SHE: variants seen among roughly 807,000 people sequenced by gnomAD.
SHE encodes Src homology 2 domain containing E, also known as SH2 domain-containing adapter protein E.
Under a neutral mutation model 49.8 loss-of-function variants are expected in SHE, and 11 were observed. That is an observed-to-expected ratio of 0.22 (90% CI 0.14 to 0.37). The LOEUF (loss-of-function observed/expected upper bound fraction) is 0.37, where lower values mean the gene tolerates loss of function less well. Ranked by LOEUF, SHE falls within the 10% of genes least tolerant of loss-of-function variation. SHE has a pLI of 1.00. For missense variants in SHE, 624 were observed against 655.5 expected (o/e 0.95, Z 0.52); for synonymous variants, 310 against 278.1 (o/e 1.11, Z -1.14).
chr1:154,501,589 C>T lies in SHE; in HGVS notation c.438G>A (p.Arg146=). The T allele has an allele frequency of 6.2e-7, 1 of 1,614,150 alleles. No individual in the cohort carries two copies. Among genetic ancestry groups the T allele is most frequent in the Non-Finnish European group, 8.5e-7 (1 of 1,180,004 alleles). ...KSSGCSTYIN[R]LIKVDTQEKN... is the part of the protein sequence containing the mutation. ...TCTCCTGAGTGTCCACCTTGATGAG[C>T]CTGTTGATGTAGGTGCTGCAGCCCG... Residue 146 remains arginine, a synonymous_variant, in exon 1 of 6, where the codon AGG becomes AGA. Coordinates refer to ENST00000304760, the MANE Select transcript of SHE (RefSeq NM_001010846.3).
chr1:154,472,731 A>T (rs1691774581), intron 1 of SHE, among the ~76,000 whole-genome samples: 1 of 152,220 alleles, frequency 6.6e-6, no homozygotes, highest in African/African-American at 2.4e-5. Flanking sequence ...GGTAAGATTC[A>T]CAGCAACATG....
chr1:154,489,329 G>C lies in SHE; in HGVS notation c.746C>G (p.Pro249Arg). The change falls in exon 3 of 6, where the codon CCC (proline) becomes CGC (arginine). Residue 249 changes from proline (P) to arginine (R), a missense_variant. Pro to Arg is a moderately radical substitution (Grantham distance 103, BLOSUM62 -2). Around this residue, in one of 4 missense-constraint regions of SHE, gnomAD observed 155 missense variants for 142.0 expected, o/e 1.09. Coordinates refer to ENST00000304760, the MANE Select transcript of SHE (RefSeq NM_001010846.3). ...TEIRRRGSKDPLVKALQLLDS... is the reference protein window; with the variant it reads ...TEIRRRGSKDRLVKALQLLDS... ...AAGCAGCTGGAGAGCCTTCACCAGG[G>C]GATCTTTGGAACCCCGTCGTCTAAT... is the stretch of plus-strand genomic sequence containing the variant. 1.2e-6 allele frequency: 2 copies of C among 1,613,582 alleles called. No homozygotes were observed. Among genetic ancestry groups the C allele is most frequent in the Non-Finnish European group, 1.7e-6 (2 of 1,179,762 alleles).
rs952815931 is a variant in SHE at position 154,473,004 on chromosome 1, A to AT, written c.103-2643dup. On this transcript the variant is annotated intron_variant, in intron 1 of 1. Coordinates refer to the SHE transcript ENST00000486773. ...TAGTGAGACCCATCTCTACAAAATA[A>AT]TTTTTTTTTTTGAGATGGAGTTTTG... Among the ~76,000 whole-genome samples the AT allele has an allele frequency of 3.2e-3, 473 of 149,178 alleles. 1 individual carries two copies. Among genetic ancestry groups the AT allele is most frequent in the African/African-American group, 0.011 (435 of 40,766 alleles).
rs1268040443 is a variant in SHE at position 154,501,967 on chromosome 1, G to C, written c.60C>G (p.Ala20=). The change falls in exon 1 of 6, where the codon GCC becomes GCG. Residue 20 remains alanine, a synonymous_variant. Coordinates refer to ENST00000304760, the MANE Select transcript of SHE (RefSeq NM_001010846.3). ...SACLGWASSL[A]CSTAPTLLGR... ...CCAGGAGCGTCGGGGCCGTGGAGCA[G>C]GCGAGCGAGGAAGCCCAGCCCAGAC... 2.1e-6 allele frequency: 3 copies of C among 1,426,458 alleles called. No individual in the cohort carries two copies. Among genetic ancestry groups the C allele is most frequent in the Non-Finnish European group, 2.7e-6 (3 of 1,100,386 alleles). 88.4% of individuals were successfully genotyped at this position (1,426,458 alleles called of 1,614,324 possible).
In SHE at chr1:154,499,251, A is replaced by G. The variant is rs757001220; in HGVS notation, c.592-13T>C. ...CTAAAATGATGACCTGAAAAAGAAC[A>G]AGAGAGGACAGTTGCTAAGGGCCAC... is the stretch of plus-strand genomic sequence containing the variant. On this transcript the variant is annotated splice_polypyrimidine_tract_variant and intron_variant, in intron 1 of 5. Coordinates refer to ENST00000304760, the MANE Select transcript of SHE (RefSeq NM_001010846.3). 3 of 1,609,912 alleles carry G rather than the reference A, an allele frequency of 1.9e-6. No homozygotes were observed. The highest frequency in any genetic ancestry group is 1.1e-5 in the South Asian group (1 of 90,910).
In SHE at chr1:154,483,308, T is replaced by C. The variant is rs1387727736; in HGVS notation, c.*841A>G. ...TTAGGCCACACTCTGAAGTTGCGGA[T>C]TTCCATGAACTCCAGAGCTGAATTA... On this transcript the variant is annotated 3_prime_UTR_variant, in exon 6 of 6. Coordinates refer to ENST00000304760, the MANE Select transcript of SHE (RefSeq NM_001010846.3). The C allele has an allele frequency of 3.0e-6, 3 of 985,274 alleles. No individual in the cohort carries two copies. The highest frequency in any genetic ancestry group is 3.6e-6 in the Non-Finnish European group (3 of 829,936). The allele number at this position is 985,274 out of a possible 1,614,324, so 61.0% of individuals were successfully genotyped here. A position where few individuals can be genotyped will look rare whatever the true frequency, so the allele number is the denominator to read the frequency against.
At position 154,501,937 on chromosome 1, in the gene SHE, T is replaced by A; in HGVS notation, c.90A>T (p.Arg30=). The change falls in exon 1 of 6, where the codon CGA becomes CGT. Residue 30 remains arginine (R), a synonymous_variant. Transcript: ENST00000304760. ...ACSTAPTLLG[R]AGRGPLMAAK... ...CCGCCATGAGGGGGCCCCGGCCGGC[T>A]CGGCCCAGGAGCGTCGGGGCCGTGG... 1.3e-6 allele frequency: 2 copies of A among 1,484,920 alleles called. No individual in the cohort carries two copies. Among genetic ancestry groups the A allele is most frequent in the South Asian group, 2.6e-5 (2 of 76,964 alleles). 92.0% of individuals were successfully genotyped at this position (1,484,920 alleles called of 1,614,324 possible).
At chr1:154,473,467 G>A (rs927486147) in intron 1 of SHE, among the ~76,000 whole-genome samples, 3 of 151,522 alleles carry the variant, frequency 2.0e-5, no homozygotes, top group African/African-American at 7.3e-5. Flanking sequence ...AGGTTGAGAC[G>A]CTGTGTGTTG....
At chr1:154,489,397 A>T (rs769012798) in intron 2 of SHE, 41 bp from the exon 3 acceptor site, 5 of 1,583,744 alleles carry the variant, frequency 3.2e-6, no homozygotes, top group East Asian at 2.2e-5. Context: ...CACACCATAC[A>T]CAATGTCTTG....
At chr1:154,479,211 C>T (rs1691957807), downstream of SHE, among the ~76,000 whole-genome samples, 1 of 152,140 alleles carries the variant, frequency 6.6e-6, no homozygotes, top group African/African-American at 2.4e-5. Context: ...AGTGCACTAA[C>T]TTTCGACTCA....
At chr1:154,497,392 T>C (rs533138551) in intron 2 of SHE, among the ~76,000 whole-genome samples, 28 of 152,358 alleles carry the variant, frequency 1.8e-4, no homozygotes, top group Admixed American at 1.6e-3. Flanking sequence ...AAGGCTCCCT[T>C]GAGTCAGCAT....
rs111885536 is a variant in SHE, at chr1:154,488,784, G to A, written c.1024+267C>T. ...GTATTTTTAGTAGAGATGGAGTTTC[G>A]CCATGTTGACCAGGCTGGTCTTGAA... is the stretch of plus-strand genomic sequence containing the variant. On this transcript the variant is annotated intron_variant, in intron 3 of 5. Transcript: ENST00000304760. 0.13 allele frequency among the ~76,000 whole-genome samples: 19,430 copies of A among 150,908 alleles called. 1,440 individuals are homozygous for A. Among genetic ancestry groups the A allele is most frequent in the South Asian group, 0.18 (849 of 4,776 alleles).
rs60307202 is a variant in SHE, at chr1:154,482,010, CTT to C, written c.*2137_*2138del. On this transcript the variant is annotated 3_prime_UTR_variant, in exon 6 of 6. Transcript: ENST00000304760. ...CACAGGCATCCACCACCAGGCCAGG[CTT>C]TTTTTTTTTTTTTTTTTTGAGATGG... The C allele has an allele frequency of 2.6e-3, 292 of 113,440 alleles. 2 individuals carry two copies. The highest frequency in any genetic ancestry group is 7.5e-3 in the African/African-American group (207 of 27,536). 7.0% of individuals were successfully genotyped at this position (113,440 alleles called of 1,614,324 possible).
In SHE at chr1:154,481,732, A is replaced by G. The variant is rs1014467509; in HGVS notation, c.*2417T>C. ...AATAATTTGTATAAAGATAATAAAT[A>G]TTTGTTGAATGGATGCTGAAAAAAC... On this transcript the variant is annotated 3_prime_UTR_variant, in exon 6 of 6. Transcript: ENST00000304760. 7 of 957,486 alleles carry G rather than the reference A, an allele frequency of 7.3e-6. No individual in the cohort carries two copies. The highest frequency in any genetic ancestry group is 1.8e-5 in the African/African-American group (1 of 56,650). 59.3% of individuals were successfully genotyped at this position (957,486 alleles called of 1,614,324 possible). A position where few individuals can be genotyped will look rare whatever the true frequency, so the allele number is the denominator to read the frequency against.
rs1354785390 is a variant in SHE at position 154,480,963 on chromosome 1, G to A, written c.*3186C>T. 1 of 985,284 alleles carries A rather than the reference G, an allele frequency of 1.0e-6. No individual in the cohort carries two copies. The highest frequency in any genetic ancestry group is 1.2e-6 in the Non-Finnish European group (1 of 829,934). 61.0% of individuals were successfully genotyped at this position (985,284 alleles called of 1,614,324 possible). A position where few individuals can be genotyped will look rare whatever the true frequency, so the allele number is the denominator to read the frequency against. ...AGAAGAACACTGACACAGCTCTATGGATGCTAAATTCAAGGCAAATTCACT... is the reference window on the plus strand; with the variant it reads ...AGAAGAACACTGACACAGCTCTATGAATGCTAAATTCAAGGCAAATTCACT... On this transcript the variant is annotated 3_prime_UTR_variant, in exon 6 of 6. Transcript: ENST00000304760.
chr1:154,483,012 CTA>C lies in SHE; in HGVS notation c.*1135_*1136del. ...TGATGAAACAAAAGACATCGAAGTTCTATGTAATTAATTCAGTAAAAAAACAG... is the reference window on the plus strand; with the variant it reads ...TGATGAAACAAAAGACATCGAAGTTCTGTAATTAATTCAGTAAAAAAACAG... On this transcript the variant is annotated 3_prime_UTR_variant, in exon 6 of 6. Transcript: ENST00000304760. The C allele has an allele frequency of 1.0e-6, 1 of 984,452 alleles. No individual in the cohort carries two copies. Among genetic ancestry groups the C allele is most frequent in the Non-Finnish European group, 1.2e-6 (1 of 829,174 alleles). 61.0% of individuals were successfully genotyped at this position (984,452 alleles called of 1,614,324 possible).
At chr1:154,493,328 C>T (rs532600609) in intron 2 of SHE, among the ~76,000 whole-genome samples, 1 of 152,332 alleles carries the variant, frequency 6.6e-6, no homozygotes, top group African/African-American at 2.4e-5. Flanking sequence ...TGCCCCCAAA[C>T]CTGAGGCGCC....
In SHE at chr1:154,483,164, A is replaced by G; in HGVS notation, c.*985T>C. Reference sequence around the variant, plus strand: ...GCCTAATGATATTGGTGATTCTTAAACCTGGGGTATCTTCCTTCCTATTTA... The same window carrying G: ...GCCTAATGATATTGGTGATTCTTAAGCCTGGGGTATCTTCCTTCCTATTTA... On this transcript the variant is annotated 3_prime_UTR_variant, in exon 6 of 6. Transcript: ENST00000304760. 1 of 985,392 alleles carries G rather than the reference A, an allele frequency of 1.0e-6. No homozygotes were observed. The allele number at this position is 985,392 out of a possible 1,614,324, so 61.0% of individuals were successfully genotyped here.
Position 154,489,118 on chromosome 1 carries a change from C to G in SHE, c.957G>C (p.Glu319Asp). 1 of 1,613,550 alleles carries G rather than the reference C, an allele frequency of 6.2e-7. No homozygotes were observed. The highest frequency in any genetic ancestry group is 8.5e-7 in the Non-Finnish European group (1 of 1,179,678). Reference sequence around the variant, plus strand: ...GCTGCTCGTACTCTGCCGCGGGCCTCTCGTCGTTCTCGGGCAGCCGGCTGT... The same window carrying G: ...GCTGCTCGTACTCTGCCGCGGGCCTGTCGTCGTTCTCGGGCAGCCGGCTGT... The part of the protein sequence containing the change: ...PPDSRLPEND[E>D]RPAAEYEQPW... The change falls in exon 3 of 6, where the codon GAG becomes GAC. Residue 319 changes from glutamate to aspartate, a missense_variant. By Grantham distance (45) the Glu-to-Asp change is conservative (BLOSUM62 2). This residue lies in a region of SHE where 155 missense variants were observed against 142.0 expected (regional missense o/e 1.09). Coordinates refer to ENST00000304760, the MANE Select transcript of SHE (RefSeq NM_001010846.3).
Sources: allele counts gnomAD v4.1 joint callset (sites outside exome capture counted in the v4.1 genomes callset), GRCh38; gene constraint gnomAD v4.1.1; regional missense constraint gnomAD v4.1.1; transcripts MANE v1.5; gene names NCBI Gene and HGNC (gene_info 2026-07-23, HGNC 2026-07-21).